Variants in FGF12 observed in about 807,000 individuals in gnomAD.
The protein encoded by FGF12 is fibroblast growth factor 12B.
FGF12 carries 14 observed loss-of-function variants against 23.6 expected under a neutral mutation model. That is an observed-to-expected ratio of 0.59 (90% CI 0.39 to 0.93). The LOEUF is 0.93. Ranked by LOEUF, FGF12 falls within the 40% of genes least tolerant of loss-of-function variation. The pLI is 0.00. For synonymous variants in FGF12, 62 were observed against 77.3 expected, an observed-to-expected ratio of 0.80 and a Z score of 1.04; for missense variants, 175 against 217.8, an observed-to-expected ratio of 0.80 and a Z score of 1.24.
At chr3:192,671,796 CACACACAT>C (rs1272171961) in intron 2 of FGF12, among the ~76,000 whole-genome samples, 2 of 151,696 alleles carry the variant, frequency 1.3e-5, no homozygotes, top group African/African-American at 4.8e-5. Flanking sequence ...CACACACACA[CACACACAT>C]ACACACACAC....
At chr3:192,492,369 A>T (rs1415252336) in intron 2 of FGF12, among the ~76,000 whole-genome samples, 1 of 152,118 alleles carries the variant, frequency 6.6e-6, no homozygotes, top group African/African-American at 2.4e-5. Flanking sequence ...AAATATATAA[A>T]AATGACATAC....
At chr3:192,311,507 T>C (rs985669008) in intron 4 of FGF12, among the ~76,000 whole-genome samples, 6 of 152,360 alleles carry the variant, frequency 3.9e-5, no homozygotes, top group African/African-American at 1.4e-4. Context: ...AATATTCCAT[T>C]GTATGAATAT....
At chr3:192,183,585 C>A (rs934020034) in intron 4 of FGF12, among the ~76,000 whole-genome samples, 1 of 152,178 alleles carries the variant, frequency 6.6e-6, no homozygotes, top group Non-Finnish European at 1.5e-5. Flanking sequence ...TATCATTTAC[C>A]TGTATCATGT....
chr3:192,694,116 G>A (rs1039755395), intron 2 of FGF12, among the ~76,000 whole-genome samples: 3 of 152,064 alleles, frequency 2.0e-5, no homozygotes, highest in Non-Finnish European at 4.4e-5. Context: ...TCTCCAAGGA[G>A]GACATAAAAA....
chr3:192,184,440 A>G (rs1015718907), intron 4 of FGF12, among the ~76,000 whole-genome samples: 3 of 152,214 alleles, frequency 2.0e-5, no homozygotes, highest in Non-Finnish European at 4.4e-5. Flanking sequence ...CAAAGGGCAA[A>G]AAAGGGTGAT....
chr3:192,502,712 G>A (rs1724167954), intron 2 of FGF12, among the ~76,000 whole-genome samples: 1 of 152,166 alleles, frequency 6.6e-6, no homozygotes, highest in Non-Finnish European at 1.5e-5. Flanking sequence ...TCAGTCATGT[G>A]GCAGTAAGAA....
chr3:192,148,661 T>C (rs1227409992), intron 5 of FGF12, among the ~76,000 whole-genome samples: 2 of 152,212 alleles, frequency 1.3e-5, no homozygotes, highest in East Asian at 1.9e-4. Context: ...TTGTCCTGAA[T>C]TGTCCTGAGT....
intron 2 of FGF12, among the ~76,000 whole-genome samples, chr3:192,365,737 G>A (rs1272337337): frequency 1.3e-5 from 2 of 152,050 alleles, no homozygotes; most frequent in East Asian, 3.9e-4. Flanking sequence ...TCAGCAGAAC[G>A]TTTGAATTCA....
intron 2 of FGF12, among the ~76,000 whole-genome samples, chr3:192,386,287 T>C (rs1720038439): frequency 6.6e-6 from 1 of 152,226 alleles, no homozygotes; most frequent in South Asian, 2.1e-4. Flanking sequence ...TCTATGTTGG[T>C]GTGTAATTAT....
intron 4 of FGF12, among the ~76,000 whole-genome samples, chr3:192,187,956 G>T (rs1457116893): frequency 6.6e-6 from 1 of 152,144 alleles, no homozygotes; most frequent in African/African-American, 2.4e-5. Context: ...ATTAGGAAAT[G>T]AGAACGGAAA....
intron 4 of FGF12, among the ~76,000 whole-genome samples, chr3:192,179,234 T>C (rs930386456): frequency 6.6e-6 from 1 of 152,206 alleles, no homozygotes; most frequent in East Asian, 1.9e-4. Flanking sequence ...AAAACAACTC[T>C]GCAGATACGG....
intron 2 of FGF12, among the ~76,000 whole-genome samples, chr3:192,590,313 T>C (rs956158159): frequency 6.6e-6 from 1 of 151,950 alleles, no homozygotes. Flanking sequence ...AAGCCTAAAC[T>C]GCATTGCACA....
At position 192,514,156 on chromosome 3, in the gene FGF12, A is replaced by T. The variant is rs575860658; in HGVS notation, c.14-153618T>A. 6.6e-6 allele frequency among the ~76,000 whole-genome samples: 1 copy of T among 152,206 alleles called. No homozygotes were observed. Among genetic ancestry groups the T allele is most frequent in the Admixed American group, 6.5e-5 (1 of 15,282 alleles). On this transcript the variant is annotated intron_variant, in intron 2 of 5. Coordinates refer to ENST00000445105, the MANE Select transcript of FGF12 (RefSeq NM_004113.6). This position sits in a 1 kb window ranked among gnomAD's most constrained non-coding sequence, Gnocchi z 4.9. ...CTCCTACTTCAGCACCAAGGACAGAAATCGCTAAATCTCCAGGGGAAACGT... is the reference window on the plus strand; with the variant it reads ...CTCCTACTTCAGCACCAAGGACAGATATCGCTAAATCTCCAGGGGAAACGT...
At chr3:192,167,694 T>C (rs1715246019) in intron 5 of FGF12, among the ~76,000 whole-genome samples, 1 of 128,842 alleles carries the variant, frequency 7.8e-6, no homozygotes, top group African/African-American at 3.0e-5. Flanking sequence ...TTAACCAAAG[T>C]ACAGATAGCA....
intron 2 of FGF12, among the ~76,000 whole-genome samples, chr3:192,671,830 T>C (rs866582999): frequency 3.6e-4 from 55 of 151,884 alleles, no homozygotes; most frequent in African/African-American, 1.3e-3. Context: ...CACAAGAACA[T>C]TCAGACATCA....
rs79322216 is a variant in FGF12 at position 192,438,832 on chromosome 3, G to T, written c.14-78294C>A. Among the ~76,000 whole-genome samples, 463 of 152,254 alleles carry T rather than the reference G, an allele frequency of 3.0e-3. 2 individuals are homozygous for T. Among genetic ancestry groups the T allele is most frequent in the African/African-American group, 0.011 (450 of 41,550 alleles). On this transcript the variant is annotated intron_variant, in intron 2 of 5. Coordinates refer to ENST00000445105, the MANE Select transcript of FGF12 (RefSeq NM_004113.6). ...GCCTCTTAGTCTCTCAGGCTCTCTG[G>T]CTTTACAAAGCCCCCCGGTTTCAAA...
intron 2 of FGF12, among the ~76,000 whole-genome samples, chr3:192,484,935 T>C (rs1723587349): frequency 6.6e-6 from 1 of 152,212 alleles, no homozygotes; most frequent in Non-Finnish European, 1.5e-5. Context: ...TGTTTCAAGA[T>C]TGGTCTACAG....
chr3:192,185,691 C>G (rs1375215350), intron 4 of FGF12, among the ~76,000 whole-genome samples: 13 of 151,832 alleles, frequency 8.6e-5, no homozygotes, highest in Non-Finnish European at 1.3e-4. Context: ...GAAACCCCAT[C>G]TCTACTAAAA....
At chr3:192,583,547 G>T (rs1713249473) in intron 2 of FGF12, among the ~76,000 whole-genome samples, 1 of 152,130 alleles carries the variant, frequency 6.6e-6, no homozygotes, top group Non-Finnish European at 1.5e-5. Context: ...AGCAGAAAAA[G>T]ACTGAAGCAG....
Sources: allele counts gnomAD v4.1 joint callset (sites outside exome capture counted in the v4.1 genomes callset), GRCh38; gene constraint gnomAD v4.1.1; non-coding constraint Gnocchi (gnomAD v3.1); transcripts MANE v1.5; gene names NCBI Gene and HGNC (gene_info 2026-07-23, HGNC 2026-07-21).